OSMR: variants seen among roughly 807,000 people sequenced by gnomAD.
The protein encoded by OSMR is oncostatin M receptor.
OSMR carries 81 observed loss-of-function variants against 99.9 expected under a neutral mutation model. The ratio of observed to expected loss-of-function variants is 0.81; its 90% CI spans 0.68 to 0.97. The LOEUF is 0.97. OSMR is among the 50% of genes least tolerant of loss of function. The pLI, the probability that OSMR is intolerant of heterozygous loss-of-function variation, is 0.00. For missense variants in OSMR, 1,099 were observed against 1,153.4 expected, an observed-to-expected ratio of 0.95 and a Z score of 0.68; for synonymous variants, 406 against 410.4, an observed-to-expected ratio of 0.99 and a Z score of 0.13.
At chr5:38,896,320 T>C (rs1744517798) in intron 7 of OSMR, among the ~76,000 whole-genome samples, 1 of 152,130 alleles carries the variant, frequency 6.6e-6, no homozygotes, top group Admixed American at 6.5e-5. Context: ...CTTCAATTTC[T>C]TTTATCAATG....
chr5:38,902,939 C>A (rs890794962), intron 7 of OSMR, among the ~76,000 whole-genome samples: 3 of 152,196 alleles, frequency 2.0e-5, no homozygotes, highest in Admixed American at 1.3e-4. Context: ...AGCCACCTCA[C>A]CCACATTCTC....
chr5:38,871,964 G>T (rs1023404429), intron 2 of OSMR, among the ~76,000 whole-genome samples: 1 of 152,140 alleles, frequency 6.6e-6, no homozygotes, highest in Non-Finnish European at 1.5e-5. Flanking sequence ...ATGTGATTAA[G>T]TCCTGGTCTG....
chr5:38,926,581 A>G (rs1462071294), intron 15 of OSMR, among the ~76,000 whole-genome samples: 1 of 152,180 alleles, frequency 6.6e-6, no homozygotes, highest in Non-Finnish European at 1.5e-5. Context: ...CTCACCTACT[A>G]TCATGAGAAC....
At chr5:38,877,101 T>C (rs1431430604) in intron 3 of OSMR, among the ~76,000 whole-genome samples, 1 of 152,224 alleles carries the variant, frequency 6.6e-6, no homozygotes, top group Non-Finnish European at 1.5e-5. Context: ...TAGTAATCTA[T>C]ATGCACATAA....
At chr5:38,926,458 T>C (rs1475834393) in intron 15 of OSMR, among the ~76,000 whole-genome samples, 3 of 152,286 alleles carry the variant, frequency 2.0e-5, no homozygotes, top group African/African-American at 7.2e-5. Flanking sequence ...AAATTTACAA[T>C]CATGGCAGAA....
chr5:38,852,227 C>T (rs1237040675), intron 1 of OSMR, among the ~76,000 whole-genome samples: 1 of 152,112 alleles, frequency 6.6e-6, no homozygotes, highest in Non-Finnish European at 1.5e-5. Flanking sequence ...TTTTTTCCCT[C>T]ATGTACACAG....
intron 7 of OSMR, among the ~76,000 whole-genome samples, chr5:38,897,911 C>T (rs921474575): frequency 3.9e-5 from 6 of 152,034 alleles, no homozygotes; most frequent in African/African-American, 1.2e-4. Context: ...TTTATAGTTT[C>T]CAAAATTCCT....
chr5:38,908,708 A>G (rs1335192303), intron 9 of OSMR, among the ~76,000 whole-genome samples: 1 of 152,216 alleles, frequency 6.6e-6, no homozygotes, highest in Non-Finnish European at 1.5e-5. Context: ...AACCCATCTT[A>G]TATCAAAATC....
intron 1 of OSMR, chr5:38,941,329 T>G (rs1167115469): frequency 4.3e-6 from 1 of 231,992 alleles, no homozygotes; most frequent in African/African-American, 2.2e-5. Flanking sequence ...ATTAATGTTT[T>G]TTTTAAGGAA....
intron 10 of OSMR, among the ~76,000 whole-genome samples, chr5:38,918,534 A>C (rs1334567801): frequency 2.6e-5 from 4 of 151,942 alleles, no homozygotes; most frequent in African/African-American, 4.8e-5. Context: ...ACTACCCCTC[A>C]CATTCTTTTT....
intron 11 of OSMR, among the ~76,000 whole-genome samples, chr5:38,920,589 A>G (rs1253413610): frequency 3.9e-5 from 6 of 152,220 alleles, no homozygotes; most frequent in Non-Finnish European, 8.8e-5. Flanking sequence ...CTAGGGCTAC[A>G]CATTCCTTTG....
intron 7 of OSMR, among the ~76,000 whole-genome samples, chr5:38,890,828 G>C (rs1047913915): frequency 3.9e-5 from 6 of 152,042 alleles, no homozygotes; most frequent in Non-Finnish European, 8.8e-5. Flanking sequence ...TTGGTACCGA[G>C]AAAAACAAGC....
chr5:38,859,060 A>C (rs951967119), intron 1 of OSMR, among the ~76,000 whole-genome samples: 2 of 151,420 alleles, frequency 1.3e-5, no homozygotes, highest in African/African-American at 4.9e-5. Flanking sequence ...TTTTCTCTTC[A>C]CTCCGTTGAT....
intron 1 of OSMR, among the ~76,000 whole-genome samples, chr5:38,863,987 T>C (rs1741725375): frequency 6.6e-6 from 1 of 152,212 alleles, no homozygotes; most frequent in Non-Finnish European, 1.5e-5. Flanking sequence ...TTGCTTTTGA[T>C]TTCAATTTGC....
intron 15 of OSMR, chr5:38,931,675 G>A (rs1188674290): frequency 2.1e-6 from 1 of 471,732 alleles, no homozygotes; most frequent in African/African-American, 2.1e-5. Context: ...GACACACGGT[G>A]TTGATGGCAA....
intron 1 of OSMR, among the ~76,000 whole-genome samples, chr5:38,849,979 T>C (rs1740227458): frequency 1.3e-5 from 2 of 152,216 alleles, no homozygotes; most frequent in South Asian, 2.1e-4. Flanking sequence ...CTTTTTCATA[T>C]TTATATCCTA....
intron 1 of OSMR, among the ~76,000 whole-genome samples, chr5:38,852,736 T>TTTTTTTTTTTTTTTTTTTTTTA (rs1740502505): frequency 1.0e-5 from 1 of 96,262 alleles, no homozygotes; most frequent in Non-Finnish European, 2.1e-5. Context: ...TTTTTTTTTT[T>TTTTTTTTTTTTTTTTTTTTTTA]TTTTTTTTTT....
chr5:38,886,276 T>C (rs553843370), intron 7 of OSMR, 86 bp downstream of exon 7: 1 of 1,606,362 alleles, frequency 6.2e-7, no homozygotes, highest in Admixed American at 1.7e-5. Context: ...GTGCTGTAGA[T>C]CTTTGCCTCA....
At chr5:38,945,462 T>G, downstream of OSMR, 1 of 1,466,062 alleles carries the variant, frequency 6.8e-7, no homozygotes, top group South Asian at 1.2e-5. Context: ...ATCACTAGGT[T>G]TTTCTGAAGG....
Sources: gnomAD v4.1 joint callset for allele counts (sites outside exome capture counted in the v4.1 genomes callset) on GRCh38, gnomAD v4.1.1 for gene constraint, MANE v1.5 for transcripts, NCBI Gene and HGNC (gene_info 2026-07-23, HGNC 2026-07-21) for gene names.